SERPINE2: variants seen among roughly 807,000 people sequenced by gnomAD.
SERPINE2 encodes glia-derived nexin.
Under a neutral mutation model 36.3 loss-of-function variants are expected in SERPINE2, and 14 were observed. That is an observed-to-expected ratio of 0.39 (90% CI 0.25 to 0.60). The LOEUF (loss-of-function observed/expected upper bound fraction) is 0.60, where lower values mean the gene tolerates loss of function less well. Among genes scored for constraint, SERPINE2 ranks in the 20% least tolerant of loss-of-function variants. The pLI, the probability that SERPINE2 is intolerant of heterozygous loss-of-function variation, is 0.57. For missense variants in SERPINE2, 418 were observed against 499.6 expected, an observed-to-expected ratio of 0.84 and a Z score of 1.56; for synonymous variants, 192 against 191.8, an observed-to-expected ratio of 1.00 and a Z score of -0.01.
intron 1 of SERPINE2, among the ~76,000 whole-genome samples, chr2:224,017,239 G>T (rs1691828615): frequency 6.8e-6 from 1 of 146,926 alleles, no homozygotes; most frequent in South Asian, 2.2e-4. Context: ...CCAGGTAAAG[G>T]GTACACGAGA....
At chr2:224,009,437 GT>G (rs1204814563) in intron 1 of SERPINE2, among the ~76,000 whole-genome samples, 1 of 152,184 alleles carries the variant, frequency 6.6e-6, no homozygotes, top group African/African-American at 2.4e-5. Flanking sequence ...GCTCAAGCCC[GT>G]AACCCCAGCA....
Position 223,977,541 on chromosome 2 carries a change from T to G in SERPINE2, c.1156+3A>C. The G allele has an allele frequency of 6.3e-7, 1 of 1,589,302 alleles. No individual in the cohort carries two copies. Among genetic ancestry groups the G allele is most frequent in the Non-Finnish European group, 8.6e-7 (1 of 1,157,480 alleles). ...GGCATGATGGAAGAGGAGAGTCACT[T>G]ACCTGTAGGATTATGTCGGATGAAA... is the stretch of plus-strand genomic sequence containing the variant. On this transcript the variant is annotated splice_donor_region_variant and intron_variant, in intron 8 of 8. Transcript: ENST00000409304.
At chr2:224,023,085 T>C (rs1656564099) in intron 1 of SERPINE2, among the ~76,000 whole-genome samples, 1 of 152,216 alleles carries the variant, frequency 6.6e-6, no homozygotes, top group Admixed American at 6.5e-5. Context: ...TTACCCAGTC[T>C]GGGATATTTC....
intron 3 of SERPINE2, among the ~76,000 whole-genome samples, chr2:223,993,560 ATGTG>A (rs1207184490): frequency 9.0e-6 from 1 of 111,574 alleles, no homozygotes; most frequent in East Asian, 2.5e-4. Context: ...GTGTGTGTGT[ATGTG>A]TGTATGTGTA....
chr2:224,021,451 C>T (rs2106191775), intron 1 of SERPINE2, among the ~76,000 whole-genome samples: 1 of 152,304 alleles, frequency 6.6e-6, no homozygotes, highest in South Asian at 2.1e-4. Flanking sequence ...AGAGCCTGAC[C>T]TTAAGAGCCT....
chr2:223,991,719 T>A, intron 4 of SERPINE2, 84 bp downstream of exon 4: 1 of 1,376,366 alleles, frequency 7.3e-7, no homozygotes, highest in Non-Finnish European at 1.0e-6. Flanking sequence ...AAAGTTAGAT[T>A]TGCTCTGGAA....
At chr2:223,978,934 G>A (rs1285968081) in intron 7 of SERPINE2, 3 of 152,070 alleles carry the variant, frequency 2.0e-5, no homozygotes, top group Non-Finnish European at 2.9e-5. Flanking sequence ...TTTGAAGTGG[G>A]AGAGACACCA....
intron 1 of SERPINE2, chr2:224,031,543 A>AC (rs1362209671): frequency 4.1e-6 from 4 of 980,498 alleles, no homozygotes; most frequent in Non-Finnish European, 4.8e-6. Context: ...CCATTGGTAC[A>AC]CGGAAGGGCA....
chr2:223,982,472 T>C (rs1215261126), intron 6 of SERPINE2: 7 of 441,140 alleles, frequency 1.6e-5, no homozygotes, highest in Non-Finnish European at 2.4e-5. Context: ...CCAAAAACTA[T>C]TGAAATAAAA....
intron 1 of SERPINE2, among the ~76,000 whole-genome samples, chr2:224,016,501 C>T (rs1188824609): frequency 8.4e-5 from 5 of 59,518 alleles, no homozygotes; most frequent in Admixed American, 2.2e-4. Flanking sequence ...AGCGAAAGTC[C>T]GTCTCAAAAA....
intron 1 of SERPINE2, among the ~76,000 whole-genome samples, chr2:224,025,830 T>A (rs2106196461): frequency 6.6e-6 from 1 of 150,410 alleles, no homozygotes; most frequent in South Asian, 2.1e-4. Flanking sequence ...AAAAATATAT[T>A]GACGATCCAC....
At chr2:224,012,836 G>C (rs1691677946) in intron 1 of SERPINE2, among the ~76,000 whole-genome samples, 1 of 152,164 alleles carries the variant, frequency 6.6e-6, no homozygotes, top group East Asian at 1.9e-4. Context: ...GGGGAGCAGA[G>C]AAGGTTATGG....
chr2:223,999,751 A>T (rs1691036271), intron 2 of SERPINE2, among the ~76,000 whole-genome samples: 1 of 152,194 alleles, frequency 6.6e-6, no homozygotes, highest in South Asian at 2.1e-4. Flanking sequence ...ATGGCTTAAA[A>T]TCAGTGTGGC....
chr2:224,026,110 C>T lies in SERPINE2; in HGVS notation c.-23+12989G>A, dbSNP rs953659226. ...CAGTCCTCCATGATCTTTCTGCTTC[C>T]GCCAGTTCAATGCTGACAAGTACGT... On this transcript the variant is annotated intron_variant, in intron 1 of 8. Transcript: ENST00000409304. 6.6e-5 allele frequency among the ~76,000 whole-genome samples: 10 copies of T among 152,194 alleles called. No homozygotes were observed. The East Asian group carries it at 7.7e-4, about 12-fold the overall frequency.
In SERPINE2 at chr2:224,001,925, G is replaced by A. The variant is rs1373251016; in HGVS notation, c.-22-3C>T. The A allele has an allele frequency of 1.3e-6, 2 of 1,596,142 alleles. No individual in the cohort carries two copies. Among genetic ancestry groups the A allele is most frequent in the Non-Finnish European group, 1.7e-6 (2 of 1,169,846 alleles). On this transcript the variant is annotated splice_region_variant and splice_polypyrimidine_tract_variant and intron_variant, in intron 1 of 8. Coordinates refer to ENST00000409304, the MANE Select transcript of SERPINE2 (RefSeq NM_001136528.2). ...TGGTTCCTTCCACCAAGGACGACCT[G>A]GAAAAGTAAGTTAAAAAATATTTAA...
intron 1 of SERPINE2, among the ~76,000 whole-genome samples, chr2:224,012,407 A>C (rs948479021): frequency 6.6e-6 from 1 of 152,202 alleles, no homozygotes; most frequent in African/African-American, 2.4e-5. Context: ...TTAACTGGAA[A>C]AAAGTATGGT....
At position 224,039,111 on chromosome 2, in the gene SERPINE2, A is replaced by T. The variant is rs1240687461; in HGVS notation, c.-35T>A. ...AGCCTGTACTCACCGCGCTCGCTGG[A>T]TCCCCAGGGGGCGGCCGCGGAGGGC... On this transcript the variant is annotated 5_prime_UTR_variant, in exon 1 of 9. Transcript: ENST00000409304. The surrounding 1 kb of genome is among the most constrained non-coding windows in gnomAD (Gnocchi z 5.2). 2 of 150,804 alleles carry T rather than the reference A, an allele frequency of 1.3e-5. No homozygotes were observed. The highest frequency in any genetic ancestry group is 2.0e-4 in the East Asian group (1 of 5,108). The allele number at this position is 150,804 out of a possible 1,614,324, so 9.3% of individuals were successfully genotyped here.
intron 1 of SERPINE2, chr2:224,031,537 T>G (rs1459779085): frequency 1.0e-6 from 1 of 984,116 alleles, no homozygotes; most frequent in African/African-American, 1.7e-5. Flanking sequence ...CCACAGCCAT[T>G]GGTACACGGA....
At chr2:224,004,566 T>C (rs1466383651) in intron 1 of SERPINE2, among the ~76,000 whole-genome samples, 2 of 152,224 alleles carry the variant, frequency 1.3e-5, no homozygotes, top group Non-Finnish European at 2.9e-5. Flanking sequence ...TGGAGCCTAC[T>C]GGACTTTGGA....
Sources: allele counts gnomAD v4.1 joint callset (sites outside exome capture counted in the v4.1 genomes callset), GRCh38; gene constraint gnomAD v4.1.1; non-coding constraint Gnocchi (gnomAD v3.1); transcripts MANE v1.5; gene names NCBI Gene and HGNC (gene_info 2026-07-23, HGNC 2026-07-21).